The following GRM1 variants were observed in gnomAD, a reference collection of about 807,000 sequenced individuals.
The protein encoded by GRM1 is metabotropic glutamate receptor 1.
In GRM1, 33 loss-of-function variants were observed where a neutral mutation model predicts 90.9. The observed-to-expected ratio is 0.36, with a 90% CI of 0.28 to 0.49. GRM1 has a LOEUF of 0.49. Ranked by LOEUF, GRM1 falls within the 20% of genes least tolerant of loss-of-function variation. GRM1 has a pLI of 0.99. For missense variants in GRM1, 1,190 were observed against 1,534.3 expected (o/e 0.78, Z 3.75); for synonymous variants, 700 against 613.2 (o/e 1.14, Z -2.09).
chr6:146,267,692 GCTCGGCTCGGCTCGTCTCGTCTCGT>G (rs1562568747), intron 2 of GRM1, among the ~76,000 whole-genome samples: 1 of 109,758 alleles, frequency 9.1e-6, no homozygotes, highest in African/African-American at 5.8e-5. Flanking sequence ...GCTCGGCTCG[GCTCGGCTCGGCTCGTCTCGTCTCGT>G]CTCGTCTCGT....
chr6:146,037,967 A>G (rs190774561), intron 1 of GRM1, among the ~76,000 whole-genome samples: 7 of 152,132 alleles, frequency 4.6e-5, no homozygotes, highest in Admixed American at 3.9e-4. Context: ...GCATCTGAGC[A>G]ACTCTACCTC....
intron 7 of GRM1, among the ~76,000 whole-genome samples, chr6:146,405,128 T>C (rs1324196347): frequency 6.6e-6 from 1 of 151,972 alleles, no homozygotes; most frequent in Non-Finnish European, 1.5e-5. Context: ...ACAAGATGGG[T>C]TTCAGATTAA....
chr6:146,130,027 A>G (rs2128879965), intron 1 of GRM1, among the ~76,000 whole-genome samples: 1 of 152,208 alleles, frequency 6.6e-6, no homozygotes, highest in Non-Finnish European at 1.5e-5. Context: ...CAATTGTAGG[A>G]AAAAAATGCC....
Position 146,257,977 on chromosome 6 carries a change from T to C in GRM1, c.951-46634T>C, listed in dbSNP as rs1031012700. Among the ~76,000 whole-genome samples the C allele has an allele frequency of 2.4e-4, 33 of 140,302 alleles. 1 individual carries two copies. The highest frequency in any genetic ancestry group is 8.9e-4 in the African/African-American group (33 of 37,106). 92.0% of individuals were successfully genotyped at this position (140,302 alleles called of 152,430 possible). A position where few individuals can be genotyped will look rare whatever the true frequency, so the allele number is the denominator to read the frequency against. On this transcript the variant is annotated intron_variant, in intron 2 of 7. Transcript: ENST00000282753. ...ACACGGAACACACTTTCCATCCGTT[T>C]GTTCTTCCGTAAAAAAAAAAAAATA...
chr6:146,399,736 C>A lies in GRM1; in HGVS notation c.2660+37C>A. The A allele has an allele frequency of 7.4e-7, 1 of 1,355,270 alleles. No homozygotes were observed. The highest frequency in any genetic ancestry group is 1.0e-6 in the Non-Finnish European group (1 of 968,018). 84.0% of individuals were successfully genotyped at this position (1,355,270 alleles called of 1,614,324 possible). A position where few individuals can be genotyped will look rare whatever the true frequency, so the allele number is the denominator to read the frequency against. ...GACCTGTTTGTCTCTCTTTTCTCTT[C>A]CTTTCTCTGTCTCTTTCTCTCTCTC... On this transcript the variant is annotated intron_variant, in intron 7 of 7. Transcript: ENST00000282753. This position sits in a 1 kb window ranked among gnomAD's most constrained non-coding sequence, Gnocchi z 5.4.
intron 2 of GRM1, among the ~76,000 whole-genome samples, chr6:146,179,957 C>T (rs1198577589): frequency 6.6e-6 from 1 of 151,980 alleles, no homozygotes; most frequent in Non-Finnish European, 1.5e-5. Context: ...GCCTGGGCAA[C>T]ACAGGGATAC....
chr6:146,036,088 A>C (rs1562419026), intron 1 of GRM1, among the ~76,000 whole-genome samples: 1 of 151,950 alleles, frequency 6.6e-6, no homozygotes, highest in Non-Finnish European at 1.5e-5. Context: ...ACAAGTATTA[A>C]AATTTTTGCC....
At chr6:146,280,284 ATAGC>A (rs1725341717) in intron 2 of GRM1, among the ~76,000 whole-genome samples, 1 of 152,150 alleles carries the variant, frequency 6.6e-6, no homozygotes, top group Non-Finnish European at 1.5e-5. Flanking sequence ...CCCAGTGATC[ATAGC>A]CCTGAGTTAT....
At chr6:146,225,282 C>T (rs568457841) in intron 2 of GRM1, among the ~76,000 whole-genome samples, 21 of 152,194 alleles carry the variant, frequency 1.4e-4, no homozygotes, top group Admixed American at 1.0e-3. Flanking sequence ...GATTAAGGAA[C>T]GTATCTTGAG....
At chr6:146,187,756 A>AT (rs1289796551) in intron 2 of GRM1, among the ~76,000 whole-genome samples, 6 of 145,542 alleles carry the variant, frequency 4.1e-5, no homozygotes, top group African/African-American at 1.1e-4. Context: ...TATATATATA[A>AT]AATTAGCTAT....
At chr6:146,076,380 C>T (rs553429301) in intron 1 of GRM1, among the ~76,000 whole-genome samples, 6 of 152,044 alleles carry the variant, frequency 3.9e-5, no homozygotes, top group Non-Finnish European at 8.8e-5. Context: ...GAAGATGCAG[C>T]GAATGTGATT....
intron 1 of GRM1, among the ~76,000 whole-genome samples, chr6:146,120,084 T>C (rs1302968239): frequency 6.6e-6 from 1 of 152,216 alleles, no homozygotes; most frequent in Non-Finnish European, 1.5e-5. Flanking sequence ...CATGGAGTGT[T>C]CTTCCATTTG....
chr6:146,082,384 G>C (rs1356498265), intron 1 of GRM1, among the ~76,000 whole-genome samples: 1 of 152,162 alleles, frequency 6.6e-6, no homozygotes, highest in East Asian at 1.9e-4. Flanking sequence ...TCGAACTCCT[G>C]ACCTCAGTTG....
At chr6:146,406,960 T>C (rs527710227) in intron 7 of GRM1, among the ~76,000 whole-genome samples, 3 of 152,262 alleles carry the variant, frequency 2.0e-5, no homozygotes, top group East Asian at 1.9e-4. Context: ...TTCTGTGTGA[T>C]TGGAAAGAGT....
At chr6:146,313,836 A>T (rs1334222005) in intron 3 of GRM1, among the ~76,000 whole-genome samples, 2 of 152,060 alleles carry the variant, frequency 1.3e-5, no homozygotes, top group Admixed American at 6.6e-5. Flanking sequence ...TTTGTGCCTC[A>T]TTGAAAATCC....
chr6:146,279,925 G>A (rs545274223), intron 2 of GRM1, among the ~76,000 whole-genome samples: 12 of 152,058 alleles, frequency 7.9e-5, no homozygotes, highest in Admixed American at 6.5e-5. Context: ...CTGCCTTTGA[G>A]ATTTTCTCTT....
intron 1 of GRM1, among the ~76,000 whole-genome samples, chr6:146,116,481 A>G (rs968071556): frequency 1.3e-5 from 2 of 152,178 alleles, no homozygotes; most frequent in African/African-American, 2.4e-5. Context: ...TATTCTCTCA[A>G]TATCCTTCTA....
intron 3 of GRM1, among the ~76,000 whole-genome samples, chr6:146,338,324 G>GTTGAAGT (rs2115009464): frequency 6.6e-6 from 1 of 152,314 alleles, no homozygotes; most frequent in African/African-American, 2.4e-5. Context: ...ACAGAGCAGG[G>GTTGAAGT]TTGAAGTTAC....
At chr6:146,361,349 A>G (rs362848) in intron 5 of GRM1, among the ~76,000 whole-genome samples, 13,962 of 152,248 alleles carry the variant, frequency 0.092, 956 homozygotes, top group East Asian at 0.29. Context: ...GGCCCAAGAC[A>G]CAAGTACAGC....
Sources: gnomAD v4.1 joint callset for allele counts (sites outside exome capture counted in the v4.1 genomes callset) on GRCh38, gnomAD v4.1.1 for gene constraint, Gnocchi (gnomAD v3.1) non-coding constraint, MANE v1.5 for transcripts, NCBI Gene and HGNC (gene_info 2026-07-23, HGNC 2026-07-21) for gene names.